The following MAEA variants were observed in gnomAD, a reference collection of about 807,000 sequenced individuals.
MAEA encodes the protein E3 ubiquitin-protein transferase MAEA.
Under a neutral mutation model 46.2 loss-of-function variants are expected in MAEA, and 22 were observed. The observed-to-expected ratio is 0.48, with a 90% confidence interval of 0.34 to 0.68. MAEA has a LOEUF of 0.68. Ranked by LOEUF, MAEA falls within the 30% of genes least tolerant of loss-of-function variation. MAEA has a pLI of 0.01. For synonymous variants in MAEA, 246 were observed against 222.6 expected (o/e 1.11, Z -0.94); for missense variants, 393 against 558.1 (o/e 0.70, Z 2.98).
At chr4:1,322,632 T>G (rs1363801481) in intron 4 of MAEA, 129 bp downstream of exon 4, 2 of 1,253,340 alleles carry the variant, frequency 1.6e-6, no homozygotes, top group Non-Finnish European at 2.2e-6. Flanking sequence ...GGGGGTTGGG[T>G]TTGGGAGTTT....
chr4:1,315,777 AGTGT>A (rs1252518229), intron 3 of MAEA, among the ~76,000 whole-genome samples, 177 bp downstream of exon 3: 1 of 71,566 alleles, frequency 1.4e-5, no homozygotes, highest in South Asian at 5.5e-4. Flanking sequence ...TCCCCCCTCC[AGTGT>A]GTGTGTGTGT....
chr4:1,337,225 T>C, intron 7 of MAEA: 1 of 560,504 alleles, frequency 1.8e-6, no homozygotes, highest in Non-Finnish European at 3.1e-6. Flanking sequence ...TCCTCTCTCA[T>C]CATCTCAGAG....
At chr4:1,307,568 A>G (rs148174165) in intron 1 of MAEA, among the ~76,000 whole-genome samples, 5 of 152,338 alleles carry the variant, frequency 3.3e-5, no homozygotes, top group African/African-American at 1.2e-4. Flanking sequence ...CTCATAATAT[A>G]TAGAGGTAGA....
At position 1,303,313 on chromosome 4, in the gene MAEA, G is replaced by A. The variant is rs1039789711; in HGVS notation, c.70-8666G>A. Reference sequence around the variant, plus strand: ...GCTACTTGGGAGGCTGAGGCAGGAGGATCACTTAAACCGGGGAGGCAGAGG... The same window carrying A: ...GCTACTTGGGAGGCTGAGGCAGGAGAATCACTTAAACCGGGGAGGCAGAGG... On this transcript the variant is annotated intron_variant, in intron 1 of 8. Transcript: ENST00000303400. Among the ~76,000 whole-genome samples, 6 of 146,586 alleles carry A rather than the reference G, an allele frequency of 4.1e-5. No individual in the cohort carries two copies. The East Asian group carries it at 1.0e-3, about 25-fold the overall frequency.
chr4:1,309,395 A>G (rs1736150513), intron 1 of MAEA: 1 of 1,249,544 alleles, frequency 8.0e-7, no homozygotes, highest in East Asian at 3.1e-5. Context: ...TAGGGCCCGG[A>G]GTCACGTGCT....
chr4:1,314,644 C>T (rs187956558), intron 2 of MAEA, among the ~76,000 whole-genome samples: 58 of 152,238 alleles, frequency 3.8e-4, no homozygotes, highest in Admixed American at 2.0e-3. Flanking sequence ...GGTCAGAATC[C>T]GACACAGAGT....
Position 1,311,947 on chromosome 4 carries a change from G to A in MAEA, c.70-32G>A, listed in dbSNP as rs2108907663. ...GGCTGGTGGGGCTCACACCAGGGGA[G>A]CAGATCCCTCACCATCCTCCTTCCT... On this transcript the variant is annotated intron_variant, in intron 1 of 8. Transcript: ENST00000303400. The surrounding 1 kb of genome is among the most constrained non-coding windows in gnomAD (Gnocchi z 4.4). 1.3e-6 allele frequency: 2 copies of A among 1,585,716 alleles called. No individual in the cohort carries two copies. The highest frequency in any genetic ancestry group is 4.5e-5 in the East Asian group (2 of 44,476).
Position 1,317,321 on chromosome 4 carries a change from CGCAGGCCCCACACTCTGGACTCATCT to C in MAEA, c.456+1737_456+1762del, listed in dbSNP as rs1480012037. Among the ~76,000 whole-genome samples the C allele has an allele frequency of 3.7e-4, 54 of 145,100 alleles. No homozygotes were observed. In the South Asian group the frequency reaches 4.7e-3, roughly 13 times the overall value. Reference sequence around the variant, plus strand: ...CCCGGCCCCACACTCCAGACTCACCCGCAGGCCCCACACTCTGGACTCATCTGCAGGCCCCACACTCCGGACTCATC... The same window carrying C: ...CCCGGCCCCACACTCCAGACTCACCCGCAGGCCCCACACTCCGGACTCATC... On this transcript the variant is annotated intron_variant, in intron 3 of 8. Transcript: ENST00000303400.
At chr4:1,323,473 G>A in intron 4 of MAEA, 1 of 702,546 alleles carries the variant, frequency 1.4e-6, no homozygotes. Flanking sequence ...TTACCAGCCA[G>A]GAGTGACACA....
At position 1,336,857 on chromosome 4, in the gene MAEA, C is replaced by A; in HGVS notation, c.766-4C>A. On this transcript the variant is annotated splice_region_variant and splice_polypyrimidine_tract_variant and intron_variant, in intron 6 of 8. Transcript: ENST00000303400. ...CCCAGGACCCTCTGCTCTCTGTCTTCCAGGACCTTCTGGACCCTGCACGGT... is the reference window on the plus strand; with the variant it reads ...CCCAGGACCCTCTGCTCTCTGTCTTACAGGACCTTCTGGACCCTGCACGGT... 2 of 1,613,198 alleles carry A rather than the reference C, an allele frequency of 1.2e-6. No individual in the cohort carries two copies. Among genetic ancestry groups the A allele is most frequent in the Non-Finnish European group, 1.7e-6 (2 of 1,179,568 alleles).
chr4:1,335,438 CA>C (rs1712620733), intron 6 of MAEA: 1 of 984,690 alleles, frequency 1.0e-6, no homozygotes, highest in Non-Finnish European at 1.2e-6. Context: ...ACTGGCCCCA[CA>C]GTGTGTTGAA....
chr4:1,306,389 C>T (rs1412777486), intron 1 of MAEA, among the ~76,000 whole-genome samples: 1 of 152,186 alleles, frequency 6.6e-6, no homozygotes, highest in East Asian at 1.9e-4. Context: ...GTGGCAGGCA[C>T]CTGTAGTCCT....
At chr4:1,309,709 C>G (rs758146012) in intron 1 of MAEA, 4 of 1,525,712 alleles carry the variant, frequency 2.6e-6, no homozygotes, top group South Asian at 1.2e-5. Context: ...ACACCGTGGC[C>G]CCGGTGAGCC....
chr4:1,293,239 T>C (rs1734294387), intron 1 of MAEA, among the ~76,000 whole-genome samples: 4 of 151,894 alleles, frequency 2.6e-5, no homozygotes, highest in Admixed American at 2.6e-4. Flanking sequence ...TAAAAGTAAT[T>C]TGATGAGTTG....
intron 1 of MAEA, among the ~76,000 whole-genome samples, chr4:1,303,232 CAAAAAAAAAAAA>C (rs71168823): frequency 7.6e-5 from 5 of 65,674 alleles, no homozygotes; most frequent in Non-Finnish European, 1.2e-4. Flanking sequence ...ACTAAAAATA[CAAAAAAAAAAAA>C]AAAAAAAAAA....
rs1251567363 is a variant in MAEA, at chr4:1,311,524, G to C, written c.70-455G>C. The stretch of plus-strand genomic sequence containing the variant: ...GTGAGGCTTGCTGTGCCCAACCCCA[G>C]CCCGTGTGGAGCCCACGCCCCATGC... On this transcript the variant is annotated intron_variant, in intron 1 of 8. Transcript: ENST00000303400. This position sits in a 1 kb window ranked among gnomAD's most constrained non-coding sequence, Gnocchi z 4.4. Among the ~76,000 whole-genome samples, 3 of 152,128 alleles carry C rather than the reference G, an allele frequency of 2.0e-5. No individual in the cohort carries two copies. The highest frequency in any genetic ancestry group is 6.5e-5 in the Admixed American group (1 of 15,274).
chr4:1,305,936 C>T (rs552333365), intron 1 of MAEA, among the ~76,000 whole-genome samples: 24 of 152,238 alleles, frequency 1.6e-4, no homozygotes, highest in African/African-American at 1.4e-4. Context: ...GTCGGGCGGG[C>T]GGGAGATCCA....
intron 2 of MAEA, among the ~76,000 whole-genome samples, chr4:1,314,365 A>G (rs930713099): frequency 2.5e-4 from 37 of 148,312 alleles, no homozygotes; most frequent in Middle Eastern, 6.8e-3. Context: ...TAAAATTTCA[A>G]GAAATGGGAA....
intron 4 of MAEA, 33 bp downstream of exon 4, chr4:1,322,536 GT>G: frequency 6.2e-7 from 1 of 1,610,496 alleles, no homozygotes. Context: ...GTGGGAGTGG[GT>G]CGGGGCCGAG....
Sources: gnomAD v4.1 joint callset for allele counts (sites outside exome capture counted in the v4.1 genomes callset) on GRCh38, gnomAD v4.1.1 for gene constraint, Gnocchi (gnomAD v3.1) non-coding constraint, MANE v1.5 for transcripts, NCBI Gene and HGNC (gene_info 2026-07-23, HGNC 2026-07-21) for gene names.